CPNE4: variants seen among roughly 807,000 people sequenced by gnomAD.
CPNE4 encodes the protein copine-4.
In CPNE4, 25 loss-of-function variants were observed where a neutral mutation model predicts 67.9. That is an observed-to-expected ratio of 0.37 (90% CI 0.27 to 0.51). CPNE4 has a LOEUF of 0.51. CPNE4 is among the 20% of genes least tolerant of loss of function. The probability of loss-of-function intolerance (pLI) is 0.93; values close to 1 mark genes in which losing one functional copy is unlikely to be tolerated. For missense variants in CPNE4, 464 were observed against 690.8 expected (o/e 0.67, Z 3.68); for synonymous variants, 242 against 244.9 (o/e 0.99, Z 0.11).
chr3:132,004,666 A>G (rs1010953589), intron 1 of CPNE4, among the ~76,000 whole-genome samples: 1 of 152,110 alleles, frequency 6.6e-6, no homozygotes, highest in African/African-American at 2.4e-5. Context: ...AACATTCCTG[A>G]TGGTTTACAG....
intron 1 of CPNE4, among the ~76,000 whole-genome samples, chr3:131,970,099 G>C (rs997497608): frequency 2.6e-5 from 4 of 152,152 alleles, no homozygotes; most frequent in Admixed American, 6.5e-5. Flanking sequence ...ACTTGCTTTG[G>C]CCAGTGAAAT....
chr3:131,717,961 T>TTCTC, intron 3 of CPNE4, among the ~76,000 whole-genome samples: 2 of 149,622 alleles, frequency 1.3e-5, no homozygotes, highest in Non-Finnish European at 3.0e-5. Context: ...CTTTCTCTCT[T>TTCTC]TCTTTCTCTC....
At chr3:131,734,413 G>T (rs2082192227) in intron 2 of CPNE4, among the ~76,000 whole-genome samples, 2 of 152,190 alleles carry the variant, frequency 1.3e-5, no homozygotes, top group African/African-American at 4.8e-5. Context: ...TGGAAATGTG[G>T]TGTTGGGAAC....
chr3:131,815,698 G>A (rs1162919724), intron 2 of CPNE4, among the ~76,000 whole-genome samples: 1 of 152,190 alleles, frequency 6.6e-6, no homozygotes, highest in Non-Finnish European at 1.5e-5. Flanking sequence ...AAACCAAGAG[G>A]ATGGTGGACT....
intron 7 of CPNE4, among the ~76,000 whole-genome samples, chr3:131,640,638 C>A (rs1326551051): frequency 2.0e-5 from 3 of 151,918 alleles, no homozygotes; most frequent in Non-Finnish European, 4.4e-5. Flanking sequence ...AATACAACCA[C>A]CATTCTTCAT....
rs749906236 is a variant in CPNE4, at chr3:131,792,717, ATG to A, written c.181-69094_181-69093del. Among the ~76,000 whole-genome samples the A allele has an allele frequency of 9.3e-5, 10 of 107,888 alleles. 1 individual carries two copies. The highest frequency in any genetic ancestry group is 3.8e-4 in the African/African-American group (10 of 26,556). The allele number at this position is 107,888 out of a possible 152,430, so 70.8% of individuals were successfully genotyped here. A position where few individuals can be genotyped will look rare whatever the true frequency, so the allele number is the denominator to read the frequency against. On this transcript the variant is annotated intron_variant, in intron 2 of 15. Transcript: ENST00000429747. The stretch of plus-strand genomic sequence containing the variant: ...TATACATATACACACACGTGTATAT[ATG>A]TATATATATACACGTGTGTATATAT...
intron 2 of CPNE4, among the ~76,000 whole-genome samples, chr3:131,836,773 A>G (rs2085571963): frequency 6.6e-6 from 1 of 152,210 alleles, no homozygotes; most frequent in African/African-American, 2.4e-5. Flanking sequence ...CACTGTTATG[A>G]GAATGAAAAC....
chr3:132,031,681 T>G (rs1402137506), intron 1 of CPNE4, among the ~76,000 whole-genome samples: 1 of 152,190 alleles, frequency 6.6e-6, no homozygotes, highest in Non-Finnish European at 1.5e-5. Flanking sequence ...TTCTAGGGTG[T>G]TACATTTCAA....
At chr3:131,635,847 C>G (rs564789625) in intron 7 of CPNE4, among the ~76,000 whole-genome samples, 1 of 83,692 alleles carries the variant, frequency 1.2e-5, no homozygotes, top group Non-Finnish European at 2.0e-5. Context: ...TTTGGGAGGC[C>G]GAGGCGGGCG....
At chr3:131,649,425 G>A (rs2079750836) in intron 7 of CPNE4, among the ~76,000 whole-genome samples, 1 of 152,162 alleles carries the variant, frequency 6.6e-6, no homozygotes, top group Admixed American at 6.5e-5. Flanking sequence ...CCTATTACGA[G>A]AGGCACCAGC....
Position 131,991,715 on chromosome 3 carries a change from G to A in CPNE4, c.-2+42852C>T, listed in dbSNP as rs573098644. On this transcript the variant is annotated intron_variant, in intron 1 of 15. Transcript: ENST00000429747. ...AGAAAATGGGGAAAATGTCTCCAGGGCATGTCAGAGACCTTCATGGCAACC... is the reference window on the plus strand; with the variant it reads ...AGAAAATGGGGAAAATGTCTCCAGGACATGTCAGAGACCTTCATGGCAACC... Among the ~76,000 whole-genome samples the A allele has an allele frequency of 7.4e-5, 10 of 135,634 alleles. 2 individuals are homozygous for A. In the East Asian group the frequency reaches 2.4e-3, roughly 32 times the overall value. 89.0% of individuals were successfully genotyped at this position (135,634 alleles called of 152,430 possible).
At chr3:131,702,447 A>G (rs1473551941) in intron 3 of CPNE4, among the ~76,000 whole-genome samples, 1 of 152,170 alleles carries the variant, frequency 6.6e-6, no homozygotes, top group African/African-American at 2.4e-5. Flanking sequence ...TGAGTAAGTG[A>G]CAAAACAAGG....
intron 2 of CPNE4, among the ~76,000 whole-genome samples, chr3:131,873,888 A>G (rs150743426): frequency 5.5e-4 from 84 of 152,236 alleles, no homozygotes; most frequent in Non-Finnish European, 1.1e-3. Flanking sequence ...CATTCCTGAG[A>G]GAACAGCTGT....
At chr3:132,010,529 T>C (rs1438793954) in intron 1 of CPNE4, among the ~76,000 whole-genome samples, 2 of 152,110 alleles carry the variant, frequency 1.3e-5, no homozygotes, top group Non-Finnish European at 2.9e-5. Flanking sequence ...GGGCACCTAA[T>C]TGACATTTAT....
At chr3:131,627,931 G>T (rs12639268) in intron 7 of CPNE4, among the ~76,000 whole-genome samples, 41,763 of 152,086 alleles carry the variant, frequency 0.27, 9,444 homozygotes, top group African/African-American at 0.63. Context: ...CATAAACATT[G>T]TTGAAATGAC....
At chr3:132,027,058 T>C (rs928507706) in intron 1 of CPNE4, among the ~76,000 whole-genome samples, 4 of 152,122 alleles carry the variant, frequency 2.6e-5, no homozygotes, top group African/African-American at 9.7e-5. Flanking sequence ...CTGATATGAG[T>C]GAGGAAGAAA....
chr3:131,764,133 A>C (rs1290408956), intron 2 of CPNE4, among the ~76,000 whole-genome samples: 1 of 152,040 alleles, frequency 6.6e-6, no homozygotes, highest in Non-Finnish European at 1.5e-5. Context: ...TTGGACTCCA[A>C]ACTCAGTGTT....
chr3:132,031,198 G>T (rs1229014237), intron 1 of CPNE4, among the ~76,000 whole-genome samples: 1 of 152,138 alleles, frequency 6.6e-6, no homozygotes, highest in Non-Finnish European at 1.5e-5. Flanking sequence ...GAATGGTCTT[G>T]AACTATGTGA....
intron 7 of CPNE4, among the ~76,000 whole-genome samples, chr3:131,658,397 T>C (rs2080034872): frequency 6.6e-6 from 1 of 152,200 alleles, no homozygotes; most frequent in African/African-American, 2.4e-5. Flanking sequence ...GGATGTGGGA[T>C]TGATGATCAT....
Sources: gnomAD v4.1 joint callset for allele counts (sites outside exome capture counted in the v4.1 genomes callset) on GRCh38, gnomAD v4.1.1 for gene constraint, MANE v1.5 for transcripts, NCBI Gene and HGNC (gene_info 2026-07-23, HGNC 2026-07-21) for gene names.